CCDC179: variants seen among roughly 807,000 people sequenced by gnomAD.
CCDC179 encodes coiled-coil domain-containing protein 179.
In CCDC179, 17 loss-of-function variants were observed where a neutral mutation model predicts 12.0. That is an observed-to-expected ratio of 1.42 (90% CI 0.97 to 2.13). The LOEUF is 2.13. Ranked by LOEUF, CCDC179 falls within the 30% of genes most tolerant of loss-of-function variation. CCDC179 has a pLI of 0.00. For synonymous variants in CCDC179, 27 were observed against 26.4 expected (o/e 1.02, Z -0.07); for missense variants, 83 against 78.6 (o/e 1.06, Z -0.21).
At chr11:22,850,968 A>T (rs1320345256) in intron 3 of CCDC179, among the ~76,000 whole-genome samples, 282 of 6,650 alleles carry the variant, frequency 0.042, 21 homozygotes, top group Non-Finnish European at 0.087. Context: ...ATATATATAT[A>T]TATATATATT....
At chr11:22,855,314 T>G (rs1454747427) in intron 3 of CCDC179, among the ~76,000 whole-genome samples, 1 of 151,614 alleles carries the variant, frequency 6.6e-6, no homozygotes, top group Non-Finnish European at 1.5e-5. Context: ...AAAATATACT[T>G]TAACAAATTT....
At chr11:22,853,711 GAAGA>G (rs1447873623) in intron 3 of CCDC179, among the ~76,000 whole-genome samples, 4 of 151,262 alleles carry the variant, frequency 2.6e-5, no homozygotes, top group Non-Finnish European at 5.9e-5. Flanking sequence ...AGAGGAAGAA[GAAGA>G]AAGAAGAAGG....
chr11:22,854,035 A>G (rs1450983304), intron 3 of CCDC179, among the ~76,000 whole-genome samples: 1 of 151,942 alleles, frequency 6.6e-6, no homozygotes, highest in East Asian at 1.9e-4. Context: ...CAATAAGAGA[A>G]TGGAGTAAAA....
chr11:22,852,441 A>T (rs1163272646), intron 3 of CCDC179, among the ~76,000 whole-genome samples: 1 of 152,230 alleles, frequency 6.6e-6, no homozygotes, highest in African/African-American at 2.4e-5. Context: ...ACCAGCCATT[A>T]TTCTGGAGGT....
At chr11:22,850,957 TATATATATATATATATA>T (rs1696254290) in intron 3 of CCDC179, among the ~76,000 whole-genome samples, 3 of 10,452 alleles carry the variant, frequency 2.9e-4, no homozygotes, top group African/African-American at 4.2e-4. Flanking sequence ...TATATATATA[TATATATATATATATATA>T]TATTTTTTTT....
intron 2 of CCDC179, among the ~76,000 whole-genome samples, chr11:22,859,091 A>T (rs1858603049): frequency 6.6e-6 from 1 of 152,078 alleles, no homozygotes; most frequent in African/African-American, 2.4e-5. Context: ...AAAATTCAAG[A>T]TGGAGGTCAC....
At chr11:22,854,806 CA>C (rs1858496533) in intron 3 of CCDC179, among the ~76,000 whole-genome samples, 1 of 151,666 alleles carries the variant, frequency 6.6e-6, no homozygotes, top group Admixed American at 6.6e-5. Flanking sequence ...AAATACAATA[CA>C]CAACTGTATG....
intron 3 of CCDC179, among the ~76,000 whole-genome samples, chr11:22,851,781 A>C (rs1858409563): frequency 6.6e-6 from 1 of 152,166 alleles, no homozygotes; most frequent in Non-Finnish European, 1.5e-5. Context: ...TATCTGATGA[A>C]TGGCTGGAGG....
At chr11:22,851,532 G>A (rs1858403754) in intron 3 of CCDC179, among the ~76,000 whole-genome samples, 1 of 152,166 alleles carries the variant, frequency 6.6e-6, no homozygotes, top group Admixed American at 6.5e-5. Context: ...AATTTAAGTG[G>A]AGCTTTCCAG....
At chr11:22,851,076 C>T (rs548834859) in intron 3 of CCDC179, among the ~76,000 whole-genome samples, 10 of 142,284 alleles carry the variant, frequency 7.0e-5, no homozygotes, top group Non-Finnish European at 1.5e-4. Context: ...AGCTCCACCT[C>T]CCAGGTTCAC....
chr11:22,858,425 CTT>C (rs1858581409), intron 2 of CCDC179, among the ~76,000 whole-genome samples: 1 of 151,966 alleles, frequency 6.6e-6, no homozygotes, highest in South Asian at 2.1e-4. Flanking sequence ...ACACACATAG[CTT>C]TTTATGCCAC....
At chr11:22,852,933 T>A (rs1389417840) in intron 3 of CCDC179, among the ~76,000 whole-genome samples, 1 of 152,130 alleles carries the variant, frequency 6.6e-6, no homozygotes, top group Non-Finnish European at 1.5e-5. Flanking sequence ...GAACCCTTCT[T>A]CCCCTACAAC....
intron 2 of CCDC179, among the ~76,000 whole-genome samples, chr11:22,858,715 C>A (rs77313535): frequency 6.6e-6 from 1 of 151,982 alleles, no homozygotes; most frequent in Non-Finnish European, 1.5e-5. Context: ...CCATTACACT[C>A]CTGCCTAAAT....
chr11:22,853,142 A>G (rs945750280), intron 3 of CCDC179, among the ~76,000 whole-genome samples: 1 of 152,206 alleles, frequency 6.6e-6, no homozygotes, highest in Non-Finnish European at 1.5e-5. Flanking sequence ...TCTTAGTCAG[A>G]TAAACATAAA....
chr11:22,858,504 A>G (rs1858583730), intron 2 of CCDC179, among the ~76,000 whole-genome samples: 1 of 151,660 alleles, frequency 6.6e-6, no homozygotes, highest in South Asian at 2.1e-4. Flanking sequence ...AAGATAATGA[A>G]ATACAGTAAT....
chr11:22,852,482 T>G (rs140614125), intron 3 of CCDC179, among the ~76,000 whole-genome samples: 11 of 152,230 alleles, frequency 7.2e-5, no homozygotes, highest in South Asian at 2.1e-4. Context: ...CTATTCACTA[T>G]TGTAGAAACT....
At position 22,860,444 on chromosome 11, in the gene CCDC179, C is replaced by G; in HGVS notation, c.-23G>C. ...CATGCCGTGGAGCCTTAGGGCGCCC[C>G]CTGACGCCTACTGCCTGTCCTGGAC... On this transcript the variant is annotated 5_prime_UTR_variant, in exon 1 of 4. Transcript: ENST00000532798. The G allele has an allele frequency of 6.5e-7, 1 of 1,531,942 alleles. No individual in the cohort carries two copies. The highest frequency in any genetic ancestry group is 1.2e-5 in the South Asian group (1 of 83,422). 94.9% of individuals were successfully genotyped at this position (1,531,942 alleles called of 1,614,324 possible). A position where few individuals can be genotyped will look rare whatever the true frequency, so the allele number is the denominator to read the frequency against.
intron 3 of CCDC179, 90 bp downstream of exon 3, chr11:22,857,832 G>T (rs1478700963): frequency 4.8e-6 from 3 of 622,854 alleles, no homozygotes; most frequent in Non-Finnish European, 7.3e-6. Context: ...AAGGGAAAAA[G>T]AAAATTTATA....
chr11:22,857,759 G>A (rs915787659), intron 3 of CCDC179, among the ~76,000 whole-genome samples, 163 bp downstream of exon 3: 1 of 151,476 alleles, frequency 6.6e-6, no homozygotes, highest in Non-Finnish European at 1.5e-5. Context: ...TGACAGCAGA[G>A]GATATTTAAA....
Sources: gnomAD v4.1 joint callset for allele counts (sites outside exome capture counted in the v4.1 genomes callset) on GRCh38, gnomAD v4.1.1 for gene constraint, MANE v1.5 for transcripts, NCBI Gene and HGNC (gene_info 2026-07-23, HGNC 2026-07-21) for gene names.